Variants in TFCP2L1 observed in about 807,000 individuals in gnomAD.
TFCP2L1 encodes transcription factor CP2-like protein 1.
In TFCP2L1, 12 loss-of-function variants were observed where a neutral mutation model predicts 72.2. The observed-to-expected ratio is 0.17, with a 90% confidence interval of 0.11 to 0.27. The LOEUF (loss-of-function observed/expected upper bound fraction) is 0.27, where lower values mean the gene tolerates loss of function less well. Ranked by LOEUF, TFCP2L1 falls within the 10% of genes least tolerant of loss-of-function variation. The probability of loss-of-function intolerance (pLI) is 1.00; values close to 1 mark genes in which losing one functional copy is unlikely to be tolerated. For missense variants in TFCP2L1, 488 were observed against 624.6 expected, an observed-to-expected ratio of 0.78 and a Z score of 2.33; for synonymous variants, 260 against 251.0, an observed-to-expected ratio of 1.04 and a Z score of -0.34.
rs1685921066 is a variant in TFCP2L1 at position 121,221,125 on chromosome 2, G to C, written c.*3216C>G. On this transcript the variant is annotated 3_prime_UTR_variant, in exon 15 of 15. Coordinates refer to ENST00000263707, the MANE Select transcript of TFCP2L1 (RefSeq NM_014553.3). ...AGGGGCTGGACCTCAGAAGACTAAA[G>C]GTCTAGTCCTGGTCCTTCCACTAAT... The C allele has an allele frequency of 6.6e-6, 1 of 152,176 alleles. No homozygotes were observed. The highest frequency in any genetic ancestry group is 2.1e-4 in the South Asian group (1 of 4,828). 9.4% of individuals were successfully genotyped at this position (152,176 alleles called of 1,614,324 possible).
intron 13 of TFCP2L1, among the ~76,000 whole-genome samples, chr2:121,226,703 C>T (rs1015805624): frequency 3.3e-5 from 5 of 152,108 alleles, no homozygotes; most frequent in Admixed American, 1.3e-4. Flanking sequence ...TTTTAACTTC[C>T]TGTCTCCATG....
At chr2:121,249,753 A>G in intron 2 of TFCP2L1, 106 bp from the exon 3 acceptor site, 3 of 1,153,132 alleles carry the variant, frequency 2.6e-6, no homozygotes, top group Non-Finnish European at 3.9e-6. Flanking sequence ...CCAGGCCTCA[A>G]GGCCCTGGGG....
intron 2 of TFCP2L1, among the ~76,000 whole-genome samples, chr2:121,260,957 C>T (rs1218357214): frequency 2.0e-5 from 3 of 152,238 alleles, no homozygotes; most frequent in African/African-American, 7.2e-5. Context: ...TGGAGGCCAT[C>T]ATTACCAGTG....
chr2:121,233,374 T>C (rs953706845), intron 12 of TFCP2L1, among the ~76,000 whole-genome samples: 10 of 152,146 alleles, frequency 6.6e-5, no homozygotes, highest in Middle Eastern at 3.2e-3. Context: ...TTTTCTTTAG[T>C]AGAGATGGGG....
chr2:121,231,611 G>A (rs1237231549), intron 13 of TFCP2L1, among the ~76,000 whole-genome samples: 4 of 152,256 alleles, frequency 2.6e-5, no homozygotes, highest in Admixed American at 6.5e-5. Context: ...CAGCCCAGGA[G>A]GGGTAAGGAG....
At chr2:121,274,990 C>G (rs1051167596) in intron 2 of TFCP2L1, among the ~76,000 whole-genome samples, 1 of 151,982 alleles carries the variant, frequency 6.6e-6, no homozygotes, top group African/African-American at 2.4e-5. Flanking sequence ...TATAGAACTT[C>G]CATTCTATTA....
intron 2 of TFCP2L1, among the ~76,000 whole-genome samples, chr2:121,259,104 G>A (rs112874272): frequency 9.2e-5 from 14 of 152,172 alleles, no homozygotes; most frequent in South Asian, 2.1e-4. Flanking sequence ...AAAATTAGCC[G>A]GATGCGGTGG....
chr2:121,269,918 A>AAAAAAAAAAAAAAAAAAAAAAAAAT, intron 2 of TFCP2L1, among the ~76,000 whole-genome samples: 4 of 115,182 alleles, frequency 3.5e-5, no homozygotes, highest in African/African-American at 1.1e-4. Context: ...AAAAAAAAAA[A>AAAAAAAAAAAAAAAAAAAAAAAAAT]ATATATATAT....
chr2:121,261,019 G>A (rs1233250457), intron 2 of TFCP2L1, among the ~76,000 whole-genome samples: 2 of 152,222 alleles, frequency 1.3e-5, no homozygotes, highest in African/African-American at 4.8e-5. Context: ...GATGCAGAAA[G>A]CACAATCCTG....
At chr2:121,264,123 C>T (rs1214742935) in intron 2 of TFCP2L1, among the ~76,000 whole-genome samples, 2 of 152,162 alleles carry the variant, frequency 1.3e-5, no homozygotes, top group Non-Finnish European at 2.9e-5. Context: ...ACCCGTGTGC[C>T]GGGCTGAGAG....
At chr2:121,240,963 G>A (rs1558732260) in intron 7 of TFCP2L1, among the ~76,000 whole-genome samples, 1 of 152,144 alleles carries the variant, frequency 6.6e-6, no homozygotes. Context: ...CACACATACA[G>A]CTGCTCGTCA....
At position 121,278,531 on chromosome 2, in the gene TFCP2L1, C is replaced by T. The variant is rs1478505962; in HGVS notation, c.214+2589G>A. Among the ~76,000 whole-genome samples the T allele has an allele frequency of 2.0e-5, 3 of 149,200 alleles. No individual in the cohort carries two copies. In the East Asian group the frequency reaches 6.0e-4, roughly 30 times the overall value. On this transcript the variant is annotated intron_variant, in intron 2 of 14. Transcript: ENST00000263707. ...TGAAACCCCGTCTCTACTAAAAATA[C>T]AAAAATTAGGTGGGCGTGGTGGCAC...
At chr2:121,242,209 C>G (rs1573369025) in intron 7 of TFCP2L1, 150 bp downstream of exon 7, 1 of 630,248 alleles carries the variant, frequency 1.6e-6, no homozygotes, top group East Asian at 2.7e-5. Flanking sequence ...CAGATGAACA[C>G]GAGCTCCAGA....
Position 121,221,613 on chromosome 2 carries a change from G to T in TFCP2L1, c.*2728C>A, listed in dbSNP as rs1331970455. ...TCATATATAAAAATATACTCGAAAT[G>T]GATCAAAGACCATTGTGAGAACTAA... On this transcript the variant is annotated 3_prime_UTR_variant, in exon 15 of 15. Coordinates refer to ENST00000263707, the MANE Select transcript of TFCP2L1 (RefSeq NM_014553.3). 6.7e-6 allele frequency: 1 copy of T among 149,358 alleles called. No homozygotes were observed. The highest frequency in any genetic ancestry group is 1.5e-5 in the Non-Finnish European group (1 of 67,466). The allele number at this position is 149,358 out of a possible 1,614,324, so 9.3% of individuals were successfully genotyped here.
In TFCP2L1 at chr2:121,247,039, C is replaced by A; in HGVS notation, c.505-69G>T. On this transcript the variant is annotated intron_variant, in intron 5 of 14. Coordinates refer to ENST00000263707, the MANE Select transcript of TFCP2L1 (RefSeq NM_014553.3). ...AGGGTGCCCCTGGATCCCCCAAGCG[C>A]CCCCTCTATTGGAGGTGTCCTTCCC... 4 of 1,579,392 alleles carry A rather than the reference C, an allele frequency of 2.5e-6. No individual in the cohort carries two copies. In the East Asian group the frequency reaches 6.9e-5, roughly 27 times the overall value.
At chr2:121,265,962 T>C (rs1277761900) in intron 2 of TFCP2L1, among the ~76,000 whole-genome samples, 1 of 147,034 alleles carries the variant, frequency 6.8e-6, no homozygotes, top group African/African-American at 2.5e-5. Flanking sequence ...ACCTCCGGGG[T>C]TGAAGCGATT....
rs371040455 is a variant in TFCP2L1 at position 121,238,134 on chromosome 2, G to A, written c.861-284C>T. 1.6e-3 allele frequency among the ~76,000 whole-genome samples: 247 copies of A among 152,250 alleles called. 2 individuals carry two copies. Among genetic ancestry groups the A allele is most frequent in the South Asian group, 8.1e-3 (39 of 4,820 alleles). On this transcript the variant is annotated intron_variant, in intron 8 of 14. Coordinates refer to ENST00000263707, the MANE Select transcript of TFCP2L1 (RefSeq NM_014553.3). ...CCTGAGTCACCGGCAACACATCCCAGGCCCCTGCTGGCTGACCCCTGCTGG... is the reference window on the plus strand; with the variant it reads ...CCTGAGTCACCGGCAACACATCCCAAGCCCCTGCTGGCTGACCCCTGCTGG...
At chr2:121,271,880 G>C (rs1332579918) in intron 2 of TFCP2L1, among the ~76,000 whole-genome samples, 1 of 152,198 alleles carries the variant, frequency 6.6e-6, no homozygotes, top group Non-Finnish European at 1.5e-5. Context: ...GTTGCTGTGA[G>C]TGGAAAACAG....
At position 121,234,201 on chromosome 2, in the gene TFCP2L1, G is replaced by A. The variant is rs750628727; in HGVS notation, c.1095-7C>T. The A allele has an allele frequency of 6.2e-7, 1 of 1,613,344 alleles. No homozygotes were observed. Among genetic ancestry groups the A allele is most frequent in the Non-Finnish European group, 8.5e-7 (1 of 1,179,322 alleles). On this transcript the variant is annotated splice_region_variant and splice_polypyrimidine_tract_variant and intron_variant, in intron 11 of 14. Transcript: ENST00000263707. Reference sequence around the variant, plus strand: ...CATCTTTGGCCTCACATTCCTGGCAGGAGAAGAGAAAATAAATAATAGGTG... The same window carrying A: ...CATCTTTGGCCTCACATTCCTGGCAAGAGAAGAGAAAATAAATAATAGGTG...
Sources: allele counts gnomAD v4.1 joint callset (sites outside exome capture counted in the v4.1 genomes callset), GRCh38; gene constraint gnomAD v4.1.1; transcripts MANE v1.5; gene names NCBI Gene and HGNC (gene_info 2026-07-23, HGNC 2026-07-21).